The following CENPH variants were observed in gnomAD, a reference collection of about 807,000 sequenced individuals.
CENPH encodes the protein centromere protein H.
In CENPH, 40 loss-of-function variants were observed where a neutral mutation model predicts 42.9. The ratio of observed to expected loss-of-function variants is 0.93; its 90% CI spans 0.72 to 1.21. The LOEUF (loss-of-function observed/expected upper bound fraction) is 1.21, where lower values mean the gene tolerates loss of function less well. Among genes scored for constraint, CENPH ranks in the 50% most tolerant of loss-of-function variants. CENPH has a pLI of 0.00. For synonymous variants in CENPH, 88 were observed against 96.5 expected (o/e 0.91, Z 0.52); for missense variants, 302 against 292.9 (o/e 1.03, Z -0.23).
chr5:69,202,216 T>C (rs1289051038), intron 5 of CENPH, among the ~76,000 whole-genome samples: 2 of 152,216 alleles, frequency 1.3e-5, no homozygotes, highest in Non-Finnish European at 2.9e-5. Flanking sequence ...TTAGGGTGTT[T>C]CCTCTCTAAA....
intron 7 of CENPH, among the ~76,000 whole-genome samples, chr5:69,205,803 G>C (rs1357559549): frequency 2.1e-5 from 3 of 143,744 alleles, no homozygotes; most frequent in Admixed American, 7.4e-5. Context: ...CCACCTCCCG[G>C]GTTCACACCA....
intron 5 of CENPH, among the ~76,000 whole-genome samples, chr5:69,199,974 G>T (rs933630214): frequency 6.6e-6 from 1 of 151,962 alleles, no homozygotes; most frequent in Admixed American, 6.6e-5. Context: ...TTAGCCGGGC[G>T]TGGTGGCAGG....
chr5:69,210,321 A>G lies in CENPH; in HGVS notation c.*522A>G, dbSNP rs531759842. ...GTCTAGTTTGCATTTTTTTTCTATCAGTTTTATAAGTTAAGAAATAAAAGG... is the reference window on the plus strand; with the variant it reads ...GTCTAGTTTGCATTTTTTTTCTATCGGTTTTATAAGTTAAGAAATAAAAGG... On this transcript the variant is annotated 3_prime_UTR_variant, in exon 9 of 9. Transcript: ENST00000283006. 3 of 152,050 alleles carry G rather than the reference A, an allele frequency of 2.0e-5. No homozygotes were observed. The highest frequency in any genetic ancestry group is 1.9e-4 in the East Asian group (1 of 5,176). The allele number at this position is 152,050 out of a possible 1,614,324, so 9.4% of individuals were successfully genotyped here. A position where few individuals can be genotyped will look rare whatever the true frequency, so the allele number is the denominator to read the frequency against.
chr5:69,208,878 A>G (rs1748202880), intron 8 of CENPH, among the ~76,000 whole-genome samples: 1 of 149,586 alleles, frequency 6.7e-6, no homozygotes, highest in Admixed American at 6.7e-5. Flanking sequence ...GTCCATTGCA[A>G]CCTCCTCCTG....
chr5:69,203,660 C>T (rs1748093965), intron 7 of CENPH, among the ~76,000 whole-genome samples: 1 of 151,970 alleles, frequency 6.6e-6, no homozygotes, highest in Non-Finnish European at 1.5e-5. Context: ...AGCCACTGCA[C>T]CTGGCCAAAT....
chr5:69,208,193 C>T lies in CENPH; in HGVS notation c.488-3C>T, dbSNP rs1561325548. On this transcript the variant is annotated splice_region_variant and splice_polypyrimidine_tract_variant and intron_variant, in intron 7 of 8. Coordinates refer to ENST00000283006, the MANE Select transcript of CENPH (RefSeq NM_022909.4). Reference sequence around the variant, plus strand: ...GTATATTATTTTATTTTTAACCTAACAGAATTAAAACAAGCTTCAGAAAGT... The same window carrying T: ...GTATATTATTTTATTTTTAACCTAATAGAATTAAAACAAGCTTCAGAAAGT... The T allele has an allele frequency of 1.4e-6, 2 of 1,472,488 alleles. No homozygotes were observed. The highest frequency in any genetic ancestry group is 4.6e-5 in the East Asian group (2 of 43,948). 91.2% of individuals were successfully genotyped at this position (1,472,488 alleles called of 1,614,324 possible).
At chr5:69,195,036 C>G (rs141472094) in intron 3 of CENPH, among the ~76,000 whole-genome samples, 1 of 152,036 alleles carries the variant, frequency 6.6e-6, no homozygotes, top group South Asian at 2.1e-4. Context: ...TCGAAACCAG[C>G]CTGACCAACA....
At chr5:69,193,352 C>G (rs1331369546) in intron 2 of CENPH, among the ~76,000 whole-genome samples, 1 of 151,776 alleles carries the variant, frequency 6.6e-6, no homozygotes, top group Non-Finnish European at 1.5e-5. Flanking sequence ...AGAACATTTT[C>G]GGCTGAGCAT....
At chr5:69,191,497 G>T (rs1460148095) in intron 1 of CENPH, among the ~76,000 whole-genome samples, 1 of 152,272 alleles carries the variant, frequency 6.6e-6, no homozygotes, top group African/African-American at 2.4e-5. Flanking sequence ...GGGCAAGAGT[G>T]CAAGACTCCG....
rs375795328 is a variant in CENPH at position 69,204,919 on chromosome 5, C to CTT, written c.487+1965_487+1966dup. Reference sequence around the variant, plus strand: ...GCACCCAGCCATTTTTTTTCTTTTTCTTTTTTTTTTTTTTTTTGAGATGGA... The same window carrying CTT: ...GCACCCAGCCATTTTTTTTCTTTTTCTTTTTTTTTTTTTTTTTTTGAGATGGA... On this transcript the variant is annotated intron_variant, in intron 7 of 8. Coordinates refer to ENST00000283006, the MANE Select transcript of CENPH (RefSeq NM_022909.4). Among the ~76,000 whole-genome samples, 63 of 99,404 alleles carry CTT rather than the reference C, an allele frequency of 6.3e-4. 1 individual carries two copies. The highest frequency in any genetic ancestry group is 9.4e-3 in the Middle Eastern group (1 of 106). 65.2% of individuals were successfully genotyped at this position (99,404 alleles called of 152,430 possible).
intron 5 of CENPH, among the ~76,000 whole-genome samples, chr5:69,199,077 A>G (rs1185980994): frequency 1.3e-5 from 2 of 152,190 alleles, no homozygotes; most frequent in African/African-American, 4.8e-5. Context: ...AAATGTAATC[A>G]CTGACATGAG....
At chr5:69,204,980 G>A (rs1326160942) in intron 7 of CENPH, among the ~76,000 whole-genome samples, 1 of 145,156 alleles carries the variant, frequency 6.9e-6, no homozygotes, top group Non-Finnish European at 1.5e-5. Flanking sequence ...GTGCAGTGGT[G>A]CGATCTCAGC....
In CENPH at chr5:69,205,060, A is replaced by G. The variant is rs1262029535; in HGVS notation, c.487+2090A>G. Among the ~76,000 whole-genome samples the G allele has an allele frequency of 2.6e-5, 4 of 151,152 alleles. No homozygotes were observed. The East Asian group carries it at 7.8e-4, about 29-fold the overall frequency. On this transcript the variant is annotated intron_variant, in intron 7 of 8. Transcript: ENST00000283006. ...CAGCCTTCTGAGTAGCTGGGACTACAGGCACCCGCCACCACGCCCAGCTAA... is the reference window on the plus strand; with the variant it reads ...CAGCCTTCTGAGTAGCTGGGACTACGGGCACCCGCCACCACGCCCAGCTAA...
chr5:69,191,710 A>G, intron 1 of CENPH, 85 bp from the exon 2 acceptor site: 1 of 762,292 alleles, frequency 1.3e-6, no homozygotes, highest in Non-Finnish European at 2.3e-6. Flanking sequence ...GCTTCCGAAA[A>G]AGAATGAGTT....
chr5:69,203,596 C>T (rs1410192055), intron 7 of CENPH, among the ~76,000 whole-genome samples: 1 of 151,800 alleles, frequency 6.6e-6, no homozygotes, highest in Non-Finnish European at 1.5e-5. Flanking sequence ...CTTGAACTCC[C>T]GACCTCAGAT....
chr5:69,192,641 A>G (rs1400860881), intron 2 of CENPH, among the ~76,000 whole-genome samples: 13 of 152,320 alleles, frequency 8.5e-5, no homozygotes, highest in African/African-American at 2.6e-4. Context: ...GTAGCCAGAT[A>G]TGGTGATACA....
At chr5:69,204,756 C>T (rs1748122518) in intron 7 of CENPH, among the ~76,000 whole-genome samples, 1 of 151,186 alleles carries the variant, frequency 6.6e-6, no homozygotes, top group African/African-American at 2.4e-5. Context: ...ATGCGCCAAC[C>T]AGCATGCCTG....
At position 69,195,712 on chromosome 5, in the gene CENPH, G is replaced by C. The variant is rs763730351; in HGVS notation, c.240-5G>C. 6.6e-7 allele frequency: 1 copy of C among 1,506,944 alleles called. No homozygotes were observed. The highest frequency in any genetic ancestry group is 9.1e-7 in the Non-Finnish European group (1 of 1,095,176). The allele number at this position is 1,506,944 out of a possible 1,614,324, so 93.3% of individuals were successfully genotyped here. Reference sequence around the variant, plus strand: ...GAAATTCTTTTGCTCATGTTTCTTTGATAGTAAAATTGAAGACCTGGAAAA... The same window carrying C: ...GAAATTCTTTTGCTCATGTTTCTTTCATAGTAAAATTGAAGACCTGGAAAA... On this transcript the variant is annotated splice_region_variant and splice_polypyrimidine_tract_variant and intron_variant, in intron 3 of 8. Transcript: ENST00000283006.
chr5:69,200,877 A>G (rs901860823), intron 5 of CENPH, among the ~76,000 whole-genome samples: 3 of 151,410 alleles, frequency 2.0e-5, no homozygotes, highest in Non-Finnish European at 4.4e-5. Context: ...AGCTGGGATT[A>G]CAGACACACA....
Sources: allele counts gnomAD v4.1 joint callset (sites outside exome capture counted in the v4.1 genomes callset), GRCh38; gene constraint gnomAD v4.1.1; transcripts MANE v1.5; gene names NCBI Gene and HGNC (gene_info 2026-07-23, HGNC 2026-07-21).